Variants in ADGRB3 observed in about 807,000 individuals in gnomAD.
ADGRB3 encodes adhesion G protein-coupled receptor B3, also known as brain-specific angiogenesis inhibitor 3.
In ADGRB3, 37 loss-of-function variants were observed where a neutral mutation model predicts 193.4. The ratio of observed to expected loss-of-function variants is 0.19; its 90% confidence interval spans 0.15 to 0.25. ADGRB3 has a LOEUF of 0.25. Among genes scored for constraint, ADGRB3 ranks in the 10% least tolerant of loss-of-function variants. ADGRB3 has a pLI of 1.00. For synonymous variants in ADGRB3, 690 were observed against 644.2 expected, an observed-to-expected ratio of 1.07 and a Z score of -1.08; for missense variants, 1,637 against 1,852.9, an observed-to-expected ratio of 0.88 and a Z score of 2.14.
intron 20 of ADGRB3, among the ~76,000 whole-genome samples, chr6:69,292,632 A>G (rs1457301795): frequency 2.6e-5 from 4 of 152,072 alleles, no homozygotes; most frequent in African/African-American, 9.7e-5. Flanking sequence ...GCTTCTGGGC[A>G]GGTTCCACCA....
At chr6:68,732,455 A>G (rs1243595637) in intron 3 of ADGRB3, among the ~76,000 whole-genome samples, 1 of 151,994 alleles carries the variant, frequency 6.6e-6, no homozygotes, top group Non-Finnish European at 1.5e-5. Context: ...AAGCTATACA[A>G]TTTGAAATTC....
intron 3 of ADGRB3, among the ~76,000 whole-genome samples, chr6:68,816,288 A>G (rs746949435): frequency 3.1e-4 from 47 of 152,034 alleles, no homozygotes; most frequent in Non-Finnish European, 4.6e-4. Context: ...AATTATCATT[A>G]TTTATTATCA....
intron 3 of ADGRB3, among the ~76,000 whole-genome samples, chr6:68,786,723 G>C (rs1047929674): frequency 1.3e-5 from 2 of 151,018 alleles, no homozygotes; most frequent in African/African-American, 4.9e-5. Context: ...GGATGGCATT[G>C]AATCTATAAA....
chr6:69,050,092 G>A (rs62416778), intron 15 of ADGRB3, among the ~76,000 whole-genome samples: 1 of 152,072 alleles, frequency 6.6e-6, no homozygotes, highest in Non-Finnish European at 1.5e-5. Flanking sequence ...GATCACAGTT[G>A]GACTTCTTTG....
chr6:68,956,769 G>A lies in ADGRB3; in HGVS notation c.1485G>A (p.Thr495=), dbSNP rs763318030. The part of the protein sequence containing the change: ...AVITGQQCEG[T]GEEVRRCNEQ... ...TAACAGGGCAGCAATGTGAAGGAACGGGCGAAGAAGTGAGAAGATGCAATG... is the reference window on the plus strand; with the variant it reads ...TAACAGGGCAGCAATGTGAAGGAACAGGCGAAGAAGTGAGAAGATGCAATG... The change falls in exon 8 of 32, where the codon ACG becomes ACA. Residue 495 remains threonine, a synonymous_variant. Coordinates refer to ENST00000370598, the MANE Select transcript of ADGRB3 (RefSeq NM_001704.3). 6.2e-6 allele frequency: 10 copies of A among 1,613,788 alleles called. No individual in the cohort carries two copies. Among genetic ancestry groups the A allele is most frequent in the African/African-American group, 4.0e-5 (3 of 74,902 alleles).
At chr6:68,672,497 GA>G (rs1292372470) in intron 3 of ADGRB3, among the ~76,000 whole-genome samples, 4 of 151,662 alleles carry the variant, frequency 2.6e-5, no homozygotes, top group African/African-American at 9.7e-5. Flanking sequence ...TTTTTACTGA[GA>G]AAATATTTAA....
intron 3 of ADGRB3, among the ~76,000 whole-genome samples, chr6:68,813,368 T>G (rs1050982802): frequency 6.6e-6 from 1 of 152,102 alleles, no homozygotes; most frequent in African/African-American, 2.4e-5. Flanking sequence ...CCTCAAGATC[T>G]CACACTATTT....
chr6:69,270,514 C>A (rs1767149860), intron 20 of ADGRB3, among the ~76,000 whole-genome samples: 1 of 152,072 alleles, frequency 6.6e-6, no homozygotes, highest in African/African-American at 2.4e-5. Context: ...ACACTATATA[C>A]TATTTTGAAA....
chr6:69,099,953 T>C (rs960051378), intron 17 of ADGRB3, among the ~76,000 whole-genome samples: 3 of 152,194 alleles, frequency 2.0e-5, no homozygotes, highest in Admixed American at 2.0e-4. Context: ...TAAATATTCC[T>C]AAAGAACAAG....
chr6:68,923,081 TTAG>T (rs1158573089), intron 3 of ADGRB3, among the ~76,000 whole-genome samples: 4 of 151,908 alleles, frequency 2.6e-5, no homozygotes, highest in Middle Eastern at 3.4e-3. Context: ...TATACATGTC[TTAG>T]TAGAATCATT....
intron 17 of ADGRB3, among the ~76,000 whole-genome samples, chr6:69,146,749 G>C (rs143059911): frequency 4.4e-4 from 66 of 150,226 alleles, no homozygotes; most frequent in Admixed American, 7.3e-4. Flanking sequence ...CTAGAATTCA[G>C]TAGTGAAGCT....
intron 3 of ADGRB3, among the ~76,000 whole-genome samples, chr6:68,758,315 C>G (rs1051251564): frequency 1.3e-5 from 2 of 152,212 alleles, no homozygotes; most frequent in South Asian, 2.1e-4. Context: ...ATTACCATCA[C>G]TCACCACCAG....
At chr6:68,872,105 G>A (rs1298751615) in intron 3 of ADGRB3, among the ~76,000 whole-genome samples, 3 of 152,106 alleles carry the variant, frequency 2.0e-5, no homozygotes, top group African/African-American at 7.2e-5. Flanking sequence ...AGACATGTAA[G>A]ACTTTGAGAT....
At chr6:68,753,876 T>G (rs1048305775) in intron 3 of ADGRB3, among the ~76,000 whole-genome samples, 1 of 152,154 alleles carries the variant, frequency 6.6e-6, no homozygotes, top group African/African-American at 2.4e-5. Context: ...TCTAGACTAT[T>G]GATATGCAAT....
intron 3 of ADGRB3, among the ~76,000 whole-genome samples, chr6:68,876,014 T>A (rs542853555): frequency 4.0e-4 from 61 of 152,138 alleles, no homozygotes; most frequent in African/African-American, 1.2e-3. Flanking sequence ...ACTTGGAATA[T>A]AAATATTAAT....
chr6:69,311,962 G>A (rs1467354575), intron 20 of ADGRB3, among the ~76,000 whole-genome samples: 1 of 151,706 alleles, frequency 6.6e-6, no homozygotes, highest in African/African-American at 2.4e-5. Flanking sequence ...TAATTATTGA[G>A]AACTTAGTAT....
intron 17 of ADGRB3, among the ~76,000 whole-genome samples, chr6:69,088,942 T>C (rs1295741127): frequency 6.6e-6 from 1 of 152,248 alleles, no homozygotes; most frequent in Non-Finnish European, 1.5e-5. Context: ...TTTGTTCTGC[T>C]AAATGGTAAA....
intron 6 of ADGRB3, among the ~76,000 whole-genome samples, chr6:68,948,633 G>C (rs1032666696): frequency 6.6e-6 from 1 of 151,942 alleles, no homozygotes; most frequent in Non-Finnish European, 1.5e-5. Context: ...TTTTCCCCTA[G>C]TCAGTAGTTG....
chr6:68,774,038 T>A (rs551670808), intron 3 of ADGRB3, among the ~76,000 whole-genome samples: 6 of 152,228 alleles, frequency 3.9e-5, no homozygotes, highest in Admixed American at 2.0e-4. Flanking sequence ...CACAAACATG[T>A]AAAATTACAT....
Sources: allele counts gnomAD v4.1 joint callset (sites outside exome capture counted in the v4.1 genomes callset), GRCh38; gene constraint gnomAD v4.1.1; transcripts MANE v1.5; gene names NCBI Gene and HGNC (gene_info 2026-07-23, HGNC 2026-07-21).